The following TNRC6A variants were observed in gnomAD, a reference collection of about 807,000 sequenced individuals.
The protein encoded by TNRC6A is trinucleotide repeat-containing gene 6A protein.
In TNRC6A, 44 loss-of-function variants were observed where a neutral mutation model predicts 221.2. The observed-to-expected ratio is 0.20, with a 90% CI of 0.16 to 0.26. The LOEUF is 0.26. Ranked by LOEUF, TNRC6A falls within the 10% of genes least tolerant of loss-of-function variation. The pLI is 1.00. For missense variants in TNRC6A, 2,199 were observed against 2,404.4 expected (o/e 0.91, Z 1.79); for synonymous variants, 847 against 838.5 (o/e 1.01, Z -0.18).
At chr16:24,659,275 A>G (rs2054979594) in intron 2 of TNRC6A, among the ~76,000 whole-genome samples, 1 of 152,068 alleles carries the variant, frequency 6.6e-6, no homozygotes. Context: ...TGTTCTACTT[A>G]ACAATCCAGT....
intron 11 of TNRC6A, among the ~76,000 whole-genome samples, chr16:24,800,539 A>G (rs576355265): frequency 9.2e-5 from 14 of 152,222 alleles, no homozygotes; most frequent in Non-Finnish European, 7.3e-5. Context: ...GGCTGTGGAT[A>G]ACAGAAGCTT....
chr16:24,728,736 GTATA>G (rs1349100596), upstream of TNRC6A, among the ~76,000 whole-genome samples: 1 of 152,138 alleles, frequency 6.6e-6, no homozygotes. Context: ...AGGTATGTAT[GTATA>G]CTTTTAATGT....
At chr16:24,682,559 C>T (rs1312848141) in intron 2 of TNRC6A, among the ~76,000 whole-genome samples, 4 of 152,104 alleles carry the variant, frequency 2.6e-5, no homozygotes, top group East Asian at 1.9e-4. Context: ...ACTCTACAAA[C>T]GGAGGGCAGA....
At chr16:24,809,309 CT>C in intron 17 of TNRC6A, 40 bp from the exon 18 acceptor site, 1 of 1,452,026 alleles carries the variant, frequency 6.9e-7, no homozygotes, top group Non-Finnish European at 9.2e-7. Context: ...AGAAAATGTG[CT>C]GTATTTTCTA....
At chr16:24,748,725 A>G (rs1215479861) in intron 2 of TNRC6A, among the ~76,000 whole-genome samples, 2 of 152,150 alleles carry the variant, frequency 1.3e-5, no homozygotes, top group African/African-American at 2.4e-5. Context: ...CAGCGCACCT[A>G]TAGCAACAAC....
intron 2 of TNRC6A, among the ~76,000 whole-genome samples, chr16:24,691,579 G>T (rs1368679157): frequency 6.6e-6 from 1 of 152,030 alleles, no homozygotes; most frequent in Admixed American, 6.6e-5. Flanking sequence ...GAACAGCCTG[G>T]CCAACATGAC....
At chr16:24,666,069 G>A (rs530585505) in intron 2 of TNRC6A, among the ~76,000 whole-genome samples, 3 of 152,228 alleles carry the variant, frequency 2.0e-5, no homozygotes, top group African/African-American at 7.2e-5. Context: ...GATCACGCCT[G>A]TAATCTCAGC....
At chr16:24,614,202 T>G (rs1431104602) in intron 1 of TNRC6A, among the ~76,000 whole-genome samples, 1 of 152,146 alleles carries the variant, frequency 6.6e-6, no homozygotes, top group Non-Finnish European at 1.5e-5. Context: ...GACAGCTGGG[T>G]TCCAAACGCA....
chr16:24,730,483 GTGTT>G (rs1294068649), intron 2 of TNRC6A, among the ~76,000 whole-genome samples, 183 bp downstream of exon 2: 1 of 145,134 alleles, frequency 6.9e-6, no homozygotes, highest in Non-Finnish European at 1.5e-5. Flanking sequence ...AATTACGCGT[GTGTT>G]TCTTTCTTTA....
chr16:24,794,768 G>T, intron 8 of TNRC6A, 49 bp downstream of exon 8: 1 of 1,549,182 alleles, frequency 6.5e-7, no homozygotes, highest in Non-Finnish European at 8.7e-7. Flanking sequence ...TCCAAAGGTA[G>T]TTTACCCACA....
intron 16 of TNRC6A, 56 bp downstream of exon 16, chr16:24,806,339 T>TCTC (rs1190866982): frequency 5.7e-6 from 9 of 1,588,812 alleles, no homozygotes; most frequent in Non-Finnish European, 7.7e-6. Flanking sequence ...ACTCTGCTTA[T>TCTC]CTCCATTGTA....
At chr16:24,629,450 T>G (rs1901217490) in intron 1 of TNRC6A, among the ~76,000 whole-genome samples, 1 of 152,244 alleles carries the variant, frequency 6.6e-6, no homozygotes, top group Non-Finnish European at 1.5e-5. Context: ...TTAAATATTT[T>G]TAATTAAAGT....
chr16:24,735,525 C>T (rs1008382378), intron 2 of TNRC6A, among the ~76,000 whole-genome samples: 1 of 152,080 alleles, frequency 6.6e-6, no homozygotes, highest in Non-Finnish European at 1.5e-5. Context: ...TGTACCAACC[C>T]AATATGCTTT....
intron 11 of TNRC6A, among the ~76,000 whole-genome samples, chr16:24,802,899 A>C (rs2058357326): frequency 6.6e-6 from 1 of 152,178 alleles, no homozygotes; most frequent in Non-Finnish European, 1.5e-5. Context: ...GTTGAAATAG[A>C]GCAGTAGCTT....
intron 2 of TNRC6A, among the ~76,000 whole-genome samples, chr16:24,670,390 G>T (rs773273642): frequency 3.3e-5 from 5 of 152,110 alleles, no homozygotes; most frequent in Non-Finnish European, 5.9e-5. Flanking sequence ...GTGCCCTTCA[G>T]GACTGCAGAA....
chr16:24,643,110 A>C (rs372575195), intron 2 of TNRC6A, among the ~76,000 whole-genome samples: 1 of 56,782 alleles, frequency 1.8e-5, no homozygotes, highest in Non-Finnish European at 3.6e-5. Flanking sequence ...ATATATATAA[A>C]ATATATATAT....
intron 2 of TNRC6A, among the ~76,000 whole-genome samples, chr16:24,713,462 A>C (rs2142330522): frequency 6.6e-6 from 1 of 151,900 alleles, no homozygotes; most frequent in African/African-American, 2.4e-5. Context: ...AAAAATATAT[A>C]TATATATATG....
chr16:24,788,097 T>C (rs992934264), intron 5 of TNRC6A, among the ~76,000 whole-genome samples: 3 of 152,224 alleles, frequency 2.0e-5, no homozygotes, highest in Admixed American at 2.0e-4. Context: ...TCTGGGGAAC[T>C]ATTCAGAAGC....
chr16:24,767,911 C>T (rs1184307510), intron 4 of TNRC6A, among the ~76,000 whole-genome samples: 1 of 152,144 alleles, frequency 6.6e-6, no homozygotes, highest in Non-Finnish European at 1.5e-5. Flanking sequence ...AGCTGAAGCT[C>T]TCTAGAGATT....
Sources: gnomAD v4.1 joint callset for allele counts (sites outside exome capture counted in the v4.1 genomes callset) on GRCh38, gnomAD v4.1.1 for gene constraint, MANE v1.5 for transcripts, NCBI Gene and HGNC (gene_info 2026-07-23, HGNC 2026-07-21) for gene names.